Variants in SAMD12 observed in about 807,000 individuals in gnomAD.
SAMD12 encodes the protein sterile alpha motif domain-containing protein 12.
Under a neutral mutation model 15.0 loss-of-function variants are expected in SAMD12, and 9 were observed. That is an observed-to-expected ratio of 0.60 (90% confidence interval 0.36 to 1.05). The LOEUF (loss-of-function observed/expected upper bound fraction) is 1.05. Ranked by LOEUF, SAMD12 falls within the 50% of genes least tolerant of loss-of-function variation. SAMD12 has a pLI of 0.01. For synonymous variants in SAMD12, 86 were observed against 90.1 expected, an observed-to-expected ratio of 0.96 and a Z score of 0.25; for missense variants, 230 against 234.2, an observed-to-expected ratio of 0.98 and a Z score of 0.12.
At chr8:118,552,622 A>G (rs1826377167) in intron 2 of SAMD12, among the ~76,000 whole-genome samples, 2 of 152,226 alleles carry the variant, frequency 1.3e-5, no homozygotes, top group South Asian at 4.1e-4. Context: ...AACTGGCACA[A>G]GACAGGGATG....
intron 2 of SAMD12, among the ~76,000 whole-genome samples, chr8:118,473,300 T>A (rs1455684698): frequency 6.6e-6 from 1 of 152,182 alleles, no homozygotes; most frequent in Non-Finnish European, 1.5e-5. Flanking sequence ...TACCTCTAAG[T>A]AGTCCCTTTC....
chr8:118,252,647 C>T (rs1812846162), intron 4 of SAMD12, among the ~76,000 whole-genome samples: 1 of 151,966 alleles, frequency 6.6e-6, no homozygotes, highest in South Asian at 2.1e-4. Context: ...CCCCTCATTC[C>T]CTCTTTTCCT....
chr8:118,223,930 A>G (rs1185755731), intron 4 of SAMD12, among the ~76,000 whole-genome samples: 1 of 152,204 alleles, frequency 6.6e-6, no homozygotes, highest in Non-Finnish European at 1.5e-5. Flanking sequence ...ACAGAGTGGC[A>G]TTGGACCATC....
At chr8:118,343,602 A>C (rs867467788) in intron 4 of SAMD12, among the ~76,000 whole-genome samples, 2 of 152,288 alleles carry the variant, frequency 1.3e-5, no homozygotes, top group Middle Eastern at 3.4e-3. Context: ...ACATAAACTT[A>C]AGAGTAAGTG....
At chr8:118,519,116 G>A (rs926560896) in intron 2 of SAMD12, among the ~76,000 whole-genome samples, 1 of 152,162 alleles carries the variant, frequency 6.6e-6, no homozygotes, top group African/African-American at 2.4e-5. Context: ...AGCCTTGTGG[G>A]AATGAGAGAA....
At chr8:118,530,130 T>C (rs936712717) in intron 2 of SAMD12, among the ~76,000 whole-genome samples, 1 of 152,212 alleles carries the variant, frequency 6.6e-6, no homozygotes, top group Non-Finnish European at 1.5e-5. Flanking sequence ...TGATCAGTGG[T>C]GATGAGCATT....
intron 4 of SAMD12, among the ~76,000 whole-genome samples, chr8:118,363,739 G>A (rs908678597): frequency 6.6e-6 from 1 of 152,084 alleles, no homozygotes; most frequent in Non-Finnish European, 1.5e-5. Context: ...ATTCTTATTG[G>A]CTCTCCAGGA....
At chr8:118,395,970 A>G (rs931823305) in intron 3 of SAMD12, among the ~76,000 whole-genome samples, 1 of 152,080 alleles carries the variant, frequency 6.6e-6, no homozygotes, top group Non-Finnish European at 1.5e-5. Flanking sequence ...AGTTAGAAAA[A>G]AAGAGAAAGT....
Position 118,475,549 on chromosome 8 carries a change from C to T in SAMD12, c.193-35588G>A, listed in dbSNP as rs141787248. On this transcript the variant is annotated intron_variant, in intron 2 of 3. Transcript: ENST00000314727. ...GATGTTGACCCTGAGGCATAGTATGCTTAAGAAGATTGACTGGATCATAAG... is the reference window on the plus strand; with the variant it reads ...GATGTTGACCCTGAGGCATAGTATGTTTAAGAAGATTGACTGGATCATAAG... Among the ~76,000 whole-genome samples the T allele has an allele frequency of 7.2e-5, 11 of 152,302 alleles. No individual in the cohort carries two copies. The East Asian group carries it at 2.1e-3, about 29-fold the overall frequency.
At chr8:118,386,435 G>A (rs1395422599) in intron 3 of SAMD12, among the ~76,000 whole-genome samples, 4 of 152,072 alleles carry the variant, frequency 2.6e-5, no homozygotes, top group Non-Finnish European at 5.9e-5. Flanking sequence ...TGAACAACCT[G>A]AGATAATCTT....
At chr8:118,167,438 GA>G in the SAMD12 span, among the ~76,000 whole-genome samples, 1 of 152,204 alleles carries the variant, frequency 6.6e-6, no homozygotes, top group African/African-American at 2.4e-5. Flanking sequence ...TTCAGTGTCA[GA>G]AAAGACTGCT....
At chr8:118,405,645 C>T (rs1821092508) in intron 3 of SAMD12, among the ~76,000 whole-genome samples, 1 of 151,646 alleles carries the variant, frequency 6.6e-6, no homozygotes, top group Non-Finnish European at 1.5e-5. Context: ...GATTTGTATA[C>T]TTTACTATTT....
At chr8:118,492,491 G>C (rs1824470276) in intron 2 of SAMD12, among the ~76,000 whole-genome samples, 1 of 152,104 alleles carries the variant, frequency 6.6e-6, no homozygotes, top group Non-Finnish European at 1.5e-5. Flanking sequence ...ATATGGTAGG[G>C]ATGGGGGGAT....
At chr8:118,477,908 G>A (rs548266487) in intron 2 of SAMD12, among the ~76,000 whole-genome samples, 23 of 151,128 alleles carry the variant, frequency 1.5e-4, no homozygotes, top group Middle Eastern at 3.4e-3. Context: ...CCGGCTACTC[G>A]GAGACTGAGG....
intron 4 of SAMD12, among the ~76,000 whole-genome samples, chr8:118,318,481 C>T (rs1050988451): frequency 1.3e-5 from 2 of 151,398 alleles, no homozygotes; most frequent in Non-Finnish European, 2.9e-5. Flanking sequence ...AAACCAAATA[C>T]CCATATGTTC....
At chr8:118,375,513 C>T (rs888550829), downstream of SAMD12, among the ~76,000 whole-genome samples, 7 of 152,076 alleles carry the variant, frequency 4.6e-5, no homozygotes, top group South Asian at 2.1e-4. Context: ...GATTAAATTG[C>T]GTGGCTTCTA....
At chr8:118,600,294 A>C (rs553538958) in intron 1 of SAMD12, among the ~76,000 whole-genome samples, 263 of 152,268 alleles carry the variant, frequency 1.7e-3, no homozygotes, top group Admixed American at 4.4e-3. Context: ...AAAAAAAAAA[A>C]AACTACATTT....
intron 4 of SAMD12, among the ~76,000 whole-genome samples, chr8:118,220,467 C>T (rs1233137246): frequency 1.3e-5 from 2 of 152,076 alleles, no homozygotes; most frequent in Non-Finnish European, 2.9e-5. Flanking sequence ...ATCTATAGGC[C>T]CTTTAAAGAA....
At chr8:118,397,438 G>A (rs1365258377) in intron 3 of SAMD12, among the ~76,000 whole-genome samples, 1 of 152,164 alleles carries the variant, frequency 6.6e-6, no homozygotes, top group Non-Finnish European at 1.5e-5. Flanking sequence ...GCAAGGTGGA[G>A]TCACTAGAAC....
Sources: allele counts gnomAD v4.1 joint callset (sites outside exome capture counted in the v4.1 genomes callset), GRCh38; gene constraint gnomAD v4.1.1; transcripts MANE v1.5; gene names NCBI Gene and HGNC (gene_info 2026-07-23, HGNC 2026-07-21).